SLC60A1: variants seen among roughly 807,000 people sequenced by gnomAD.
SLC60A1 encodes the protein major facilitator superfamily domain containing 4.
At chr1:205,585,074 G>A in the SLC60A1 span, 11 of 1,180,768 alleles carry the variant, frequency 9.3e-6, no homozygotes, top group Admixed American at 1.8e-5. This position sits in a 1 kb window ranked among gnomAD's most constrained non-coding sequence, Gnocchi z 4.2. Context: ...AGAAAGAGAG[G>A]AGCATGAAGG....
At chr1:205,600,337 A>AATGAAT in the SLC60A1 span, 1 of 1,501,500 alleles carries the variant, frequency 6.7e-7, no homozygotes, top group East Asian at 2.3e-5. Context: ...GTAAGCTCTC[A>AATGAAT]GAATGAATCA....
the SLC60A1 span, among the ~76,000 whole-genome samples, chr1:205,594,647 C>CAA: frequency 3.0e-5 from 4 of 132,852 alleles, no homozygotes; most frequent in Non-Finnish European, 4.9e-5. Context: ...GACTCTGTCT[C>CAA]AAAAAAAAAA....
the SLC60A1 span, among the ~76,000 whole-genome samples, chr1:205,571,468 G>C: frequency 3.9e-5 from 6 of 152,212 alleles, no homozygotes; most frequent in Non-Finnish European, 8.8e-5. Flanking sequence ...GCCCTCTGGG[G>C]CTTCCTGCTG....
chr1:205,595,374 T>A, the SLC60A1 span, among the ~76,000 whole-genome samples: 4 of 152,214 alleles, frequency 2.6e-5, no homozygotes, highest in Non-Finnish European at 4.4e-5. Flanking sequence ...CTTCCTGCTC[T>A]TCCTTCCAGA....
chr1:205,570,658 G>A, the SLC60A1 span, among the ~76,000 whole-genome samples: 1 of 152,214 alleles, frequency 6.6e-6, no homozygotes, highest in African/African-American at 2.4e-5. Context: ...GTCTCCTTGT[G>A]TACACCAGTG....
chr1:205,586,440 A>G, the SLC60A1 span, among the ~76,000 whole-genome samples: 1 of 152,178 alleles, frequency 6.6e-6, no homozygotes, highest in Non-Finnish European at 1.5e-5. Flanking sequence ...TGCTGATCTT[A>G]TACCCTTAAA....
the SLC60A1 span, among the ~76,000 whole-genome samples, chr1:205,588,401 C>T: frequency 7.3e-6 from 1 of 137,716 alleles, no homozygotes; most frequent in African/African-American, 2.7e-5. Flanking sequence ...ACCTAGCAGG[C>T]AGAGGTTGCA....
At chr1:205,571,619 G>A in the SLC60A1 span, among the ~76,000 whole-genome samples, 4 of 152,226 alleles carry the variant, frequency 2.6e-5, no homozygotes, top group East Asian at 7.7e-4. Flanking sequence ...TGGAAACAGA[G>A]GGATGTCCAG....
the SLC60A1 span, among the ~76,000 whole-genome samples, chr1:205,580,437 G>C: frequency 7.2e-5 from 11 of 152,156 alleles, no homozygotes; most frequent in African/African-American, 2.7e-4. This position sits in a 1 kb window ranked among gnomAD's most constrained non-coding sequence, Gnocchi z 5.0. Context: ...AGGCTGGCAG[G>C]GTGGTTGAGA....
At chr1:205,588,327 G>T in the SLC60A1 span, among the ~76,000 whole-genome samples, 1 of 151,902 alleles carries the variant, frequency 6.6e-6, no homozygotes, top group African/African-American at 2.4e-5. Context: ...AAAATTAGCC[G>T]GGCGTGGTGG....
the SLC60A1 span, chr1:205,580,587 G>A: frequency 6.9e-5 from 107 of 1,556,672 alleles, no homozygotes; most frequent in Admixed American, 8.2e-4. This position sits in a 1 kb window ranked among gnomAD's most constrained non-coding sequence, Gnocchi z 5.0. Flanking sequence ...CCTCTGGACC[G>A]GAGGCCAGGC....
chr1:205,585,644 C>T, the SLC60A1 span, among the ~76,000 whole-genome samples: 1 of 151,170 alleles, frequency 6.6e-6, no homozygotes, highest in African/African-American at 2.4e-5. The surrounding 1 kb of genome is among the most constrained non-coding windows in gnomAD (Gnocchi z 4.2). Flanking sequence ...CAAGTCACTT[C>T]TGTCTGCTTT....
At chr1:205,584,959 G>A in the SLC60A1 span, 26 of 1,613,880 alleles carry the variant, frequency 1.6e-5, no homozygotes, top group Admixed American at 1.0e-4. Flanking sequence ...CATCACGGGC[G>A]CCCTGGTACT....
chr1:205,588,330 C>T, the SLC60A1 span, among the ~76,000 whole-genome samples: 10 of 152,022 alleles, frequency 6.6e-5, no homozygotes, highest in South Asian at 4.2e-4. Context: ...ATTAGCCGGG[C>T]GTGGTGGCGC....
the SLC60A1 span, among the ~76,000 whole-genome samples, chr1:205,593,148 C>A: frequency 6.6e-6 from 1 of 152,010 alleles, no homozygotes; most frequent in Non-Finnish European, 1.5e-5. Context: ...ACCAGAGACG[C>A]ACTAGAGGCT....
chr1:205,584,597 C>T, the SLC60A1 span, among the ~76,000 whole-genome samples: 1 of 149,122 alleles, frequency 6.7e-6, no homozygotes, highest in Non-Finnish European at 1.5e-5. Flanking sequence ...TGCAACCTGA[C>T]CAAGAGAATG....
the SLC60A1 span, chr1:205,585,077 C>T: frequency 3.4e-6 from 4 of 1,168,840 alleles, no homozygotes; most frequent in East Asian, 4.6e-5. The surrounding 1 kb of genome is among the most constrained non-coding windows in gnomAD (Gnocchi z 4.2). Context: ...AAGAGAGGAG[C>T]ATGAAGGTTT....
chr1:205,601,371 A>G, the SLC60A1 span: 1 of 152,114 alleles, frequency 6.6e-6, no homozygotes, highest in African/African-American at 2.4e-5. Flanking sequence ...ATTACCATGG[A>G]CACTGGCAAA....
At chr1:205,584,107 G>A in the SLC60A1 span, 1 of 1,613,518 alleles carries the variant, frequency 6.2e-7, no homozygotes, top group African/African-American at 1.3e-5. Context: ...TGCCCCCAAA[G>A]TTTCAGTCAC....
Sources: allele counts gnomAD v4.1 joint callset (sites outside exome capture counted in the v4.1 genomes callset), GRCh38; gene constraint gnomAD v4.1.1; non-coding constraint Gnocchi (gnomAD v3.1); transcripts MANE v1.5; gene names NCBI Gene and HGNC (gene_info 2026-07-23, HGNC 2026-07-21).